SELENOF: variants seen among roughly 807,000 people sequenced by gnomAD.
The protein encoded by SELENOF is selenoprotein F, also known as 15 kDa selenoprotein.
In SELENOF, 16 loss-of-function variants were observed where a neutral mutation model predicts 20.5. The ratio of observed to expected loss-of-function variants is 0.78; its 90% CI spans 0.53 to 1.19. SELENOF has a LOEUF of 1.19. Among genes scored for constraint, SELENOF ranks in the 50% most tolerant of loss-of-function variants. The pLI, the probability that SELENOF is intolerant of heterozygous loss-of-function variation, is 0.00. For missense variants in SELENOF, 215 were observed against 194.2 expected, an observed-to-expected ratio of 1.11 and a Z score of -0.64; for synonymous variants, 78 against 74.5, an observed-to-expected ratio of 1.05 and a Z score of -0.24.
intron 3 of SELENOF, among the ~76,000 whole-genome samples, chr1:86,872,464 G>C (rs992936182): frequency 2.6e-5 from 4 of 151,810 alleles, no homozygotes; most frequent in Non-Finnish European, 4.4e-5. Context: ...CGCCTCTCGG[G>C]TTCAGGCGAT....
chr1:86,904,040 A>G (rs1570405874), intron 1 of SELENOF, among the ~76,000 whole-genome samples: 2 of 152,164 alleles, frequency 1.3e-5, no homozygotes, highest in African/African-American at 4.8e-5. Flanking sequence ...TCACATAAAT[A>G]TTTTCTTAAA....
At chr1:86,873,443 A>T (rs937811256) in intron 3 of SELENOF, among the ~76,000 whole-genome samples, 2 of 152,238 alleles carry the variant, frequency 1.3e-5, no homozygotes, top group Non-Finnish European at 2.9e-5. Context: ...TTTCTAATAG[A>T]ACTTTCTGAG....
intron 2 of SELENOF, among the ~76,000 whole-genome samples, chr1:86,900,782 C>T (rs1376419495): frequency 1.3e-5 from 2 of 152,120 alleles, no homozygotes; most frequent in East Asian, 3.9e-4. Flanking sequence ...TTGTGATCTG[C>T]CCGCCTCGGC....
chr1:86,888,393 G>A (rs545324152), intron 2 of SELENOF, among the ~76,000 whole-genome samples: 2 of 152,198 alleles, frequency 1.3e-5, no homozygotes, highest in East Asian at 3.9e-4. Flanking sequence ...TGAAAATGAA[G>A]GTCCTAATAA....
chr1:86,914,485 A>G (rs1660088089), upstream of SELENOF: 1 of 287,962 alleles, frequency 3.5e-6, no homozygotes, highest in Non-Finnish European at 6.8e-6. Flanking sequence ...CCAACCGTAA[A>G]CCGAACCAAG....
Position 86,903,342 on chromosome 1 carries a change from A to T in SELENOF, c.191T>A (p.Leu64His), listed in dbSNP as rs538686898. The T allele has an allele frequency of 1.2e-6, 2 of 1,612,410 alleles. No individual in the cohort carries two copies. The highest frequency in any genetic ancestry group is 1.3e-5 in the African/African-American group (1 of 75,014). ...TCCTCTGCAATCAGGATCCAGCTGAAGCAGGTTGAACTGTCCGAGAAGATC... is the reference window on the plus strand; with the variant it reads ...TCCTCTGCAATCAGGATCCAGCTGATGCAGGTTGAACTGTCCGAGAAGATC... ...SCDLLGQFNL[L>H]QLDPDCRGCC... is the part of the protein sequence containing the mutation. The change falls in exon 2 of 5, where the codon CTT (leucine) becomes CAT (histidine). Residue 64 changes from leucine to histidine, a missense_variant. Coordinates refer to ENST00000331835, the MANE Select transcript of SELENOF (RefSeq NM_004261.5).
chr1:86,910,441 C>G (rs1659950236), intron 1 of SELENOF, among the ~76,000 whole-genome samples: 1 of 147,480 alleles, frequency 6.8e-6, no homozygotes, highest in African/African-American at 2.7e-5. Flanking sequence ...CGCGGTGGCT[C>G]ACGCCTGTAA....
intron 2 of SELENOF, among the ~76,000 whole-genome samples, chr1:86,900,370 G>A (rs1247666087): frequency 3.9e-5 from 6 of 152,322 alleles, no homozygotes; most frequent in Middle Eastern, 6.8e-3. Context: ...CGGATCACTC[G>A]CGGTTAGGAG....
chr1:86,898,243 AT>A (rs1659575295), intron 2 of SELENOF, among the ~76,000 whole-genome samples: 1 of 152,222 alleles, frequency 6.6e-6, no homozygotes, highest in Non-Finnish European at 1.5e-5. Flanking sequence ...TCTAGCTTGT[AT>A]TTGAGACGCT....
At chr1:86,910,089 A>G (rs893410273) in intron 1 of SELENOF, among the ~76,000 whole-genome samples, 1 of 152,260 alleles carries the variant, frequency 6.6e-6, no homozygotes, top group African/African-American at 2.4e-5. Context: ...CTATTGAAAC[A>G]TCTTAGTTCA....
intron 2 of SELENOF, among the ~76,000 whole-genome samples, chr1:86,882,179 CCGAAGGTTGCAGTGAG>C (rs1246235952): frequency 2.1e-5 from 3 of 146,136 alleles, no homozygotes; most frequent in African/African-American, 7.7e-5. Context: ...TTGCAGTGAG[CCGAAGGTTGCAGTGAG>C]CCGAGATCAC....
At chr1:86,882,458 T>C (rs1659101940) in intron 2 of SELENOF, among the ~76,000 whole-genome samples, 1 of 137,800 alleles carries the variant, frequency 7.3e-6, no homozygotes, top group Non-Finnish European at 1.5e-5. Context: ...AAAACCACAA[T>C]GAGATCCCAC....
chr1:86,863,565 T>G lies in SELENOF; in HGVS notation c.407A>C (p.Asp136Ala). 7 of 1,613,786 alleles carry G rather than the reference T, an allele frequency of 4.3e-6. No individual in the cohort carries two copies. Among genetic ancestry groups the G allele is most frequent in the Non-Finnish European group, 5.9e-6 (7 of 1,179,726 alleles). The change falls in exon 5 of 5, where the codon GAC (aspartate) becomes GCC (alanine). Residue 136 changes from aspartate to alanine, a missense_variant. Asp to Ala is a moderately radical substitution (Grantham distance 126). Coordinates refer to ENST00000331835, the MANE Select transcript of SELENOF (RefSeq NM_004261.5). ...CAGTTCTTCAGCAATGTTCCCATTGTCGTCCAAAAGCTTTAATACAGGGTC... is the reference window on the plus strand; with the variant it reads ...CAGTTCTTCAGCAATGTTCCCATTGGCGTCCAAAAGCTTTAATACAGGGTC... ...GSDPVLKLLD[D>A]NGNIAEELSI...
At chr1:86,873,330 G>T (rs1006972096) in intron 3 of SELENOF, among the ~76,000 whole-genome samples, 8 of 147,796 alleles carry the variant, frequency 5.4e-5, no homozygotes, top group Non-Finnish European at 1.0e-4. Flanking sequence ...ACTCACTCTT[G>T]ATTTCTGAGA....
intron 1 of SELENOF, among the ~76,000 whole-genome samples, chr1:86,906,004 A>C (rs1251544704): frequency 6.6e-6 from 1 of 152,256 alleles, no homozygotes; most frequent in African/African-American, 2.4e-5. Flanking sequence ...CTCACCAGGT[A>C]GATTAATATC....
chr1:86,893,967 G>A (rs190434980), intron 2 of SELENOF, among the ~76,000 whole-genome samples: 1 of 152,274 alleles, frequency 6.6e-6, no homozygotes, highest in Admixed American at 6.5e-5. Flanking sequence ...TTGAAGATAA[G>A]TGTTTTTATT....
chr1:86,897,943 A>C (rs1659569276), intron 2 of SELENOF, among the ~76,000 whole-genome samples: 1 of 152,224 alleles, frequency 6.6e-6, no homozygotes, highest in Admixed American at 6.5e-5. Context: ...GTTCATAAAC[A>C]AGATCAATGG....
chr1:86,864,393 A>G (rs571142251), intron 4 of SELENOF, among the ~76,000 whole-genome samples: 48 of 152,356 alleles, frequency 3.2e-4, no homozygotes, highest in African/African-American at 1.1e-3. Context: ...ATTAAGTAGC[A>G]TTGGATAACT....
At chr1:86,864,332 G>A (rs1018398630) in intron 4 of SELENOF, among the ~76,000 whole-genome samples, 11 of 152,178 alleles carry the variant, frequency 7.2e-5, no homozygotes, top group African/African-American at 2.4e-4. Context: ...TTCTAATTCT[G>A]GGTAAATGTG....
Sources: gnomAD v4.1 joint callset for allele counts (sites outside exome capture counted in the v4.1 genomes callset) on GRCh38, gnomAD v4.1.1 for gene constraint, MANE v1.5 for transcripts, NCBI Gene and HGNC (gene_info 2026-07-23, HGNC 2026-07-21) for gene names.